The following RDH12 variants were observed in gnomAD, a reference collection of about 807,000 sequenced individuals.
RDH12 encodes all-trans and 9-cis retinol dehydrogenase.
A neutral mutation model predicts 34.0 loss-of-function variants in RDH12; 21 were observed. The ratio of observed to expected loss-of-function variants is 0.62; its 90% CI spans 0.44 to 0.89. RDH12 has a LOEUF of 0.89. Among genes scored for constraint, RDH12 ranks in the 40% least tolerant of loss-of-function variants. The probability of loss-of-function intolerance (pLI) is 0.00; values close to 1 mark genes in which losing one functional copy is unlikely to be tolerated. For synonymous variants in RDH12, 198 were observed against 169.9 expected (o/e 1.17, Z -1.29); for missense variants, 394 against 398.6 (o/e 0.99, Z 0.10).
intron 7 of RDH12, chr14:67,728,163 A>G (rs1257893569): frequency 2.0e-5 from 3 of 152,218 alleles, no homozygotes; most frequent in Admixed American, 6.5e-5. Context: ...CTAGGGGTCC[A>G]TTTGTTACAG....
intron 2 of RDH12, 85 bp from the exon 3 acceptor site, chr14:67,722,339 G>T: frequency 2.0e-6 from 1 of 497,012 alleles, no homozygotes; most frequent in Non-Finnish European, 3.7e-6. Context: ...GGGGTTTAGG[G>T]GGTACTTGCT....
At position 67,716,458 on chromosome 14, in the gene RDH12, T is replaced by A. The variant is rs530460037; in HGVS notation, c.-274-4390T>A. ...GAATATGGCAATTTATAAAAAATTT[T>A]CATTTTGAAATGTTACGCTTCTTGA... On this transcript the variant is annotated intron_variant, in intron 1 of 8. Transcript: ENST00000551171. 3.0e-4 allele frequency among the ~76,000 whole-genome samples: 46 copies of A among 152,392 alleles called. 1 individual carries two copies. Among genetic ancestry groups the A allele is most frequent in the African/African-American group, 1.1e-3 (45 of 41,596 alleles).
chr14:67,708,424 T>G (rs2037973528), intron 1 of RDH12, among the ~76,000 whole-genome samples: 1 of 152,140 alleles, frequency 6.6e-6, no homozygotes, highest in Non-Finnish European at 1.5e-5. Flanking sequence ...TAAGAACACC[T>G]GTTAGAGTTC....
At chr14:67,733,027 C>G (rs1033188577) in intron 8 of RDH12, among the ~76,000 whole-genome samples, 1 of 151,954 alleles carries the variant, frequency 6.6e-6, no homozygotes, top group Non-Finnish European at 1.5e-5. Flanking sequence ...TGCTAAATGA[C>G]GAGTTCATGG....
chr14:67,710,365 C>T (rs1594859644), intron 1 of RDH12, among the ~76,000 whole-genome samples: 1 of 152,068 alleles, frequency 6.6e-6, no homozygotes, highest in African/African-American at 2.4e-5. Context: ...CAAACCAAAA[C>T]TTAATAATAA....
intron 8 of RDH12, among the ~76,000 whole-genome samples, chr14:67,731,503 C>G (rs1000777121): frequency 6.6e-6 from 1 of 152,092 alleles, no homozygotes; most frequent in Non-Finnish European, 1.5e-5. Flanking sequence ...GCGTGAGCCA[C>G]TGCGCCTGGT....
chr14:67,703,276 G>T (rs1401170303), intron 1 of RDH12, among the ~76,000 whole-genome samples: 1 of 152,148 alleles, frequency 6.6e-6, no homozygotes, highest in Non-Finnish European at 1.5e-5. Flanking sequence ...TCTAATGAAG[G>T]CTGTGAGCCA....
Position 67,705,381 on chromosome 14 carries a change from G to A in RDH12, c.-275+3446G>A, listed in dbSNP as rs564039211. Among the ~76,000 whole-genome samples, 11 of 152,324 alleles carry A rather than the reference G, an allele frequency of 7.2e-5. No homozygotes were observed. The East Asian group carries it at 1.5e-3, about 21-fold the overall frequency. The stretch of plus-strand genomic sequence containing the variant: ...CAGTAGGTTACATATTAATGTGTAC[G>A]TCAACAGTTTGAGAAATTTTCAATA... On this transcript the variant is annotated intron_variant, in intron 1 of 8. Transcript: ENST00000551171.
rs146672918 is a variant in RDH12, at chr14:67,722,681, G to A, written c.39G>A (p.Ser13=). 63 of 1,613,940 alleles carry A rather than the reference G, an allele frequency of 3.9e-5. 3 individuals carry two copies. In the Admixed American group the frequency reaches 8.7e-4, roughly 22 times the overall value. Residue 13 remains serine, a synonymous_variant, in exon 3 of 9, where the codon TCG becomes TCA. Transcript: ENST00000551171. ...VTLGLLTSFF[S]FLYMVAPSIR... is the part of the protein sequence containing the mutation. ...TGGGACTGCTCACCTCCTTCTTCTC[G>A]TTCCTGTATATGGTAGCTCCATCCA...
chr14:67,722,043 T>C (rs1475230117), intron 2 of RDH12, among the ~76,000 whole-genome samples: 1 of 152,152 alleles, frequency 6.6e-6, no homozygotes, highest in Non-Finnish European at 1.5e-5. Flanking sequence ...AGCACACCCA[T>C]GTACTAGCAC....
At chr14:67,708,353 C>T (rs2037972615) in intron 1 of RDH12, among the ~76,000 whole-genome samples, 1 of 152,098 alleles carries the variant, frequency 6.6e-6, no homozygotes, top group Non-Finnish European at 1.5e-5. Flanking sequence ...CCATGAGAGT[C>T]CTGAAAGTTT....
chr14:67,711,382 A>G (rs1224592981), intron 1 of RDH12, among the ~76,000 whole-genome samples: 1 of 152,232 alleles, frequency 6.6e-6, no homozygotes, highest in Non-Finnish European at 1.5e-5. Context: ...GCAATTCTTA[A>G]GACATTTCTA....
chr14:67,708,211 TG>T (rs1218844562), intron 1 of RDH12, among the ~76,000 whole-genome samples: 1 of 152,166 alleles, frequency 6.6e-6, no homozygotes, highest in Non-Finnish European at 1.5e-5. Flanking sequence ...AAAGTTTTCT[TG>T]ACTCTGAAAA....
chr14:67,727,444 C>T, intron 7 of RDH12: 1 of 443,788 alleles, frequency 2.3e-6, no homozygotes, highest in Non-Finnish European at 4.1e-6. Flanking sequence ...TTGATTTTCA[C>T]AGTAGCTTTT....
rs2038320563 is a variant in RDH12, at chr14:67,733,976, C to T, written c.*128C>T. 1 of 679,882 alleles carries T rather than the reference C, an allele frequency of 1.5e-6. No individual in the cohort carries two copies. Among genetic ancestry groups the T allele is most frequent in the Admixed American group, 2.1e-5 (1 of 47,978 alleles). The allele number at this position is 679,882 out of a possible 1,614,324, so 42.1% of individuals were successfully genotyped here. A position where few individuals can be genotyped will look rare whatever the true frequency, so the allele number is the denominator to read the frequency against. On this transcript the variant is annotated 3_prime_UTR_variant, in exon 9 of 9. Coordinates refer to ENST00000551171, the MANE Select transcript of RDH12 (RefSeq NM_152443.3). ...GCTGCGAATCCTGCCTGCTCTGATC[C>T]TCTTGACCCTTCTGGGAATGTTTGC...
At chr14:67,708,432 T>C (rs2037973591) in intron 1 of RDH12, among the ~76,000 whole-genome samples, 1 of 152,066 alleles carries the variant, frequency 6.6e-6, no homozygotes, top group East Asian at 1.9e-4. Flanking sequence ...CCTGTTAGAG[T>C]TCTATAGCTG....
chr14:67,727,345 C>T, intron 7 of RDH12, 155 bp downstream of exon 7: 1 of 714,614 alleles, frequency 1.4e-6, no homozygotes, highest in East Asian at 2.7e-5. Context: ...AAACAGAGTG[C>T]TTGCCCCCAG....
intron 1 of RDH12, among the ~76,000 whole-genome samples, chr14:67,707,543 C>T (rs751615509): frequency 2.0e-5 from 3 of 152,196 alleles, no homozygotes; most frequent in Non-Finnish European, 2.9e-5. Context: ...ATTCTCCTGC[C>T]TCAGCTTCCC....
chr14:67,711,932 T>A (rs1289096483), intron 1 of RDH12, among the ~76,000 whole-genome samples: 1 of 152,178 alleles, frequency 6.6e-6, no homozygotes, highest in Non-Finnish European at 1.5e-5. Context: ...CCTATCTTTT[T>A]TTTTGAGACG....
Sources: allele counts gnomAD v4.1 joint callset (sites outside exome capture counted in the v4.1 genomes callset), GRCh38; gene constraint gnomAD v4.1.1; transcripts MANE v1.5; gene names NCBI Gene and HGNC (gene_info 2026-07-23, HGNC 2026-07-21).